ERGIC3: variants seen among roughly 807,000 people sequenced by gnomAD.
ERGIC3 encodes endoplasmic reticulum-Golgi intermediate compartment protein 3.
In ERGIC3, 33 loss-of-function variants were observed where a neutral mutation model predicts 54.7. The observed-to-expected ratio is 0.60, with a 90% CI of 0.46 to 0.81. The LOEUF is 0.81. Among genes scored for constraint, ERGIC3 ranks in the 30% least tolerant of loss-of-function variants. ERGIC3 has a pLI of 0.00. For synonymous variants in ERGIC3, 186 were observed against 189.8 expected (o/e 0.98, Z 0.16); for missense variants, 399 against 488.4 (o/e 0.82, Z 1.73).
intron 4 of ERGIC3, among the ~76,000 whole-genome samples, chr20:35,545,702 G>T (rs1230429299): frequency 6.6e-6 from 1 of 152,196 alleles, no homozygotes; most frequent in Non-Finnish European, 1.5e-5. Context: ...ATAAGGGTGT[G>T]AATACTAGGA....
intron 7 of ERGIC3, 97 bp from the exon 8 acceptor site, chr20:35,554,947 G>A: frequency 3.5e-6 from 5 of 1,414,470 alleles, no homozygotes; most frequent in Non-Finnish European, 5.0e-6. Context: ...GAGGGGCAGA[G>A]AAGACAGGTG....
chr20:35,554,445 T>A, intron 7 of ERGIC3: 1 of 1,602,056 alleles, frequency 6.2e-7, no homozygotes, highest in Non-Finnish European at 8.5e-7. Context: ...CCTGCCCTAC[T>A]AGAATGGCGG....
At position 35,556,028 on chromosome 20, in the gene ERGIC3, T is replaced by G; in HGVS notation, c.718-5T>G. 1 of 1,613,726 alleles carries G rather than the reference T, an allele frequency of 6.2e-7. No individual in the cohort carries two copies. Among genetic ancestry groups the G allele is most frequent in the South Asian group, 1.1e-5 (1 of 91,070 alleles). ...TGGATGAGCTCTGGATGGTGTTGTTTACAGATCAACATGACCCACTACATC... is the reference window on the plus strand; with the variant it reads ...TGGATGAGCTCTGGATGGTGTTGTTGACAGATCAACATGACCCACTACATC... On this transcript the variant is annotated splice_region_variant and splice_polypyrimidine_tract_variant and intron_variant, in intron 8 of 12. Coordinates refer to ENST00000348547, the MANE Select transcript of ERGIC3 (RefSeq NM_015966.3).
rs765339218 is a variant in ERGIC3 at position 35,557,493 on chromosome 20, A to AAGAC, written c.1143_1146dup (p.Thr383AspfsTer43). The stretch of plus-strand genomic sequence containing the variant: ...CATCCAGAAGAAAATTGATCTAGGG[A>AAGAC]AGACAACGTAGTCACCCTCGGTGCT... On this transcript the variant is annotated frameshift_variant, in exon 13 of 13. Transcript: ENST00000348547. LOFTEE classifies it high-confidence loss of function. The AAGAC allele has an allele frequency of 6.2e-7, 1 of 1,614,072 alleles. No homozygotes were observed. Among genetic ancestry groups the AAGAC allele is most frequent in the Non-Finnish European group, 8.5e-7 (1 of 1,179,980 alleles).
chr20:35,543,780 G>C (rs1167656970), intron 4 of ERGIC3: 1 of 458,092 alleles, frequency 2.2e-6, no homozygotes, highest in Non-Finnish European at 4.6e-6. Flanking sequence ...TGAATGACTT[G>C]AGATGGAGAT....
intron 7 of ERGIC3, 127 bp downstream of exon 7, chr20:35,548,992 C>G: frequency 9.0e-7 from 1 of 1,115,796 alleles, no homozygotes; most frequent in Non-Finnish European, 1.3e-6. Flanking sequence ...GCCTTCATCT[C>G]AGGGCAGCAG....
intron 8 of ERGIC3, among the ~76,000 whole-genome samples, chr20:35,555,628 C>CT (rs1367262015): frequency 3.9e-5 from 6 of 152,006 alleles, no homozygotes; most frequent in African/African-American, 1.5e-4. Context: ...CTCTGTGTGC[C>CT]TAACGTACAA....
chr20:35,547,390 T>C, intron 4 of ERGIC3, 22 bp from the exon 5 acceptor site: 1 of 1,608,162 alleles, frequency 6.2e-7, no homozygotes, highest in Non-Finnish European at 8.5e-7. Flanking sequence ...AGCTGATGCC[T>C]CTGCTTCTCC....
intron 7 of ERGIC3, among the ~76,000 whole-genome samples, chr20:35,550,614 T>C (rs2064676742): frequency 6.6e-6 from 1 of 151,892 alleles, no homozygotes; most frequent in African/African-American, 2.4e-5. Context: ...AGACTCCATT[T>C]CAAAAAATAA....
chr20:35,557,554 TC>T lies in ERGIC3; in HGVS notation c.*55del, dbSNP rs2064722325. 6.5e-7 allele frequency: 1 copy of T among 1,534,262 alleles called. No homozygotes were observed. The highest frequency in any genetic ancestry group is 9.0e-7 in the Non-Finnish European group (1 of 1,109,458). On this transcript the variant is annotated 3_prime_UTR_variant, in exon 13 of 13. Coordinates refer to ENST00000348547, the MANE Select transcript of ERGIC3 (RefSeq NM_015966.3). Reference sequence around the variant, plus strand: ...CCTCTTTCTCCCTGGCCTGTGGTTGTCCCCCAGCCTCTGCCACCCTCCACCT... The same window carrying T: ...CCTCTTTCTCCCTGGCCTGTGGTTGTCCCCAGCCTCTGCCACCCTCCACCT...
In ERGIC3 at chr20:35,557,051, G is replaced by T. The variant is rs1381244717; in HGVS notation, c.958G>T (p.Gly320Ter). 1 of 1,614,236 alleles carries T rather than the reference G, an allele frequency of 6.2e-7. No homozygotes were observed. ...GCTGTTGGGCGACCAAGGCCTTCCC[G>T]GAGTCTTCGTCCTCTATGAGCTCTC... is the stretch of plus-strand genomic sequence containing the variant. ...NGLLGDQGLP[G>*]VFVLYELSPM... Residue 320 changes from glycine (G) to a stop codon, truncating the protein, a stop_gained, in exon 11 of 13, where the codon GGA (glycine) becomes TGA (stop). Coordinates refer to ENST00000348547, the MANE Select transcript of ERGIC3 (RefSeq NM_015966.3). LOFTEE classifies it high-confidence loss of function.
intron 7 of ERGIC3, among the ~76,000 whole-genome samples, chr20:35,553,170 A>ATTT (rs2064691176): frequency 1.3e-4 from 8 of 62,368 alleles, no homozygotes; most frequent in South Asian, 3.8e-4. Flanking sequence ...ATGCCTGGCT[A>ATTT]ATTTTTTTTT....
chr20:35,551,155 G>T (rs575745587), intron 7 of ERGIC3, among the ~76,000 whole-genome samples: 1 of 152,094 alleles, frequency 6.6e-6, no homozygotes, highest in Admixed American at 6.6e-5. Flanking sequence ...TCAGCCGGGC[G>T]TAGCGGCGTG....
intron 10 of ERGIC3, 71 bp from the exon 11 acceptor site, chr20:35,556,902 G>A (rs6060464): frequency 8.7e-6 from 14 of 1,602,100 alleles, no homozygotes; most frequent in Non-Finnish European, 1.1e-5. Context: ...GGAAGGAGCA[G>A]GGGTGGGGCT....
In ERGIC3 at chr20:35,542,890, C is replaced by G; in HGVS notation, c.316C>G (p.Gln106Glu). Residue 106 changes from glutamine to glutamate, a missense_variant, in exon 4 of 13, where the codon CAA (glutamine) becomes GAA (glutamate). Gln to Glu is a conservative substitution (Grantham distance 29). Transcript: ENST00000348547. ...GGATGTGGAACACAACCTGTTCAAG[C>G]AACGACTAGATAAAGATGGCATCCC... ...QLDVEHNLFK[Q>E]RLDKDGIPVS... The G allele has an allele frequency of 6.2e-7, 1 of 1,614,142 alleles. No individual in the cohort carries two copies.
At chr20:35,554,234 A>C (rs1272073720) in intron 7 of ERGIC3, 2 of 1,137,434 alleles carry the variant, frequency 1.8e-6, no homozygotes, top group Non-Finnish European at 2.7e-6. Context: ...GCCCAGAAGG[A>C]GGCTTGTTAG....
Position 35,548,867 on chromosome 20 carries a change from T to G in ERGIC3, c.685+2T>G. Reference sequence around the variant, plus strand: ...GCTTCCAGCAGTCCCATGTGCACGGTGAGTGATCTGCACTAGCTGGGGAGA... The same window carrying G: ...GCTTCCAGCAGTCCCATGTGCACGGGGAGTGATCTGCACTAGCTGGGGAGA... On this transcript the variant is annotated splice_donor_variant, in intron 7 of 12. Coordinates refer to ENST00000348547, the MANE Select transcript of ERGIC3 (RefSeq NM_015966.3). LOFTEE classifies it high-confidence loss of function. 1 of 1,614,178 alleles carries G rather than the reference T, an allele frequency of 6.2e-7. No individual in the cohort carries two copies. Among genetic ancestry groups the G allele is most frequent in the Non-Finnish European group, 8.5e-7 (1 of 1,180,022 alleles).
rs76683448 is a variant in ERGIC3 at position 35,552,781 on chromosome 20, G to A, written c.686-2263G>A. On this transcript the variant is annotated intron_variant, in intron 7 of 12. Coordinates refer to ENST00000348547, the MANE Select transcript of ERGIC3 (RefSeq NM_015966.3). ...ACAGAGCAAGTGGCTTGGGTAGGCA[G>A]AGCACAAGATCAGGGAGGAAAGGAT... Among the ~76,000 whole-genome samples the A allele has an allele frequency of 2.1e-4, 32 of 152,248 alleles. No homozygotes were observed. The East Asian group carries it at 6.2e-3, about 29-fold the overall frequency.
chr20:35,542,966 T>C (rs1227776207), intron 4 of ERGIC3, 25 bp downstream of exon 4: 1 of 1,613,202 alleles, frequency 6.2e-7, no homozygotes, highest in Non-Finnish European at 8.5e-7. Context: ...GGGCCGGGTC[T>C]CAGATCCCAA....
Sources: allele counts gnomAD v4.1 joint callset (sites outside exome capture counted in the v4.1 genomes callset), GRCh38; gene constraint gnomAD v4.1.1; transcripts MANE v1.5; gene names NCBI Gene and HGNC (gene_info 2026-07-23, HGNC 2026-07-21).